The following TRAK1 variants were observed in gnomAD, a reference collection of about 807,000 sequenced individuals.
TRAK1 encodes the protein trafficking kinesin protein 1.
In TRAK1, 33 loss-of-function variants were observed where a neutral mutation model predicts 92.1. The observed-to-expected ratio is 0.36, with a 90% CI of 0.27 to 0.48. TRAK1 has a LOEUF of 0.48. Ranked by LOEUF, TRAK1 falls within the 20% of genes least tolerant of loss-of-function variation. The pLI is 0.99. For missense variants in TRAK1, 1,123 were observed against 1,257.9 expected (o/e 0.89, Z 1.62); for synonymous variants, 521 against 517.3 (o/e 1.01, Z -0.10).
chr3:42,187,436 G>T (rs903555954), intron 4 of TRAK1, among the ~76,000 whole-genome samples: 7 of 152,104 alleles, frequency 4.6e-5, no homozygotes, highest in African/African-American at 1.7e-4. Flanking sequence ...TATTTCCAAA[G>T]CCCCTGAATA....
chr3:42,214,204 A>C (rs563958604), intron 14 of TRAK1, among the ~76,000 whole-genome samples: 1 of 152,250 alleles, frequency 6.6e-6, no homozygotes, highest in South Asian at 2.1e-4. Flanking sequence ...GAGGTGTCTG[A>C]ACCTGACACC....
At chr3:42,016,330 G>A (rs977215897) in intron 1 of TRAK1, among the ~76,000 whole-genome samples, 8 of 151,990 alleles carry the variant, frequency 5.3e-5, no homozygotes, top group Non-Finnish European at 8.8e-5. Flanking sequence ...TCAGCCTCCC[G>A]AGTAGCTGGG....
intron 2 of TRAK1, chr3:42,149,657 G>A (rs947225288): frequency 5.1e-5 from 78 of 1,534,810 alleles, no homozygotes; most frequent in Admixed American, 2.9e-4. Context: ...TCTCCTTCTG[G>A]GTGGGGGGTG....
intron 1 of TRAK1, among the ~76,000 whole-genome samples, chr3:42,027,553 C>G (rs1257327744): frequency 6.6e-6 from 1 of 151,676 alleles, no homozygotes; most frequent in Non-Finnish European, 1.5e-5. Flanking sequence ...TTTTCTAATC[C>G]AGGCGTTTTT....
chr3:42,036,508 C>A (rs1185078419), intron 1 of TRAK1, among the ~76,000 whole-genome samples: 1 of 152,180 alleles, frequency 6.6e-6, no homozygotes, highest in Non-Finnish European at 1.5e-5. Flanking sequence ...CTCATTGGAG[C>A]AGGCTTTCTC....
At chr3:42,153,127 G>A (rs557419064) in intron 2 of TRAK1, among the ~76,000 whole-genome samples, 1 of 152,172 alleles carries the variant, frequency 6.6e-6, no homozygotes, top group African/African-American at 2.4e-5. Flanking sequence ...TGGGGGCCTG[G>A]TATAGTGTGT....
chr3:42,195,648 TTTC>T (rs1391273647), intron 10 of TRAK1, among the ~76,000 whole-genome samples: 2 of 152,120 alleles, frequency 1.3e-5, no homozygotes, highest in Admixed American at 6.5e-5. Context: ...CGTGATTTCT[TTTC>T]TTCTTTGCTC....
chr3:42,080,999 C>T (rs976398688), intron 1 of TRAK1, among the ~76,000 whole-genome samples: 1 of 152,140 alleles, frequency 6.6e-6, no homozygotes, highest in Non-Finnish European at 1.5e-5. Flanking sequence ...CTCAACCTCC[C>T]TAGTAGCAGG....
At chr3:42,028,202 G>A (rs943172442) in intron 1 of TRAK1, among the ~76,000 whole-genome samples, 1 of 152,218 alleles carries the variant, frequency 6.6e-6, no homozygotes, top group Non-Finnish European at 1.5e-5. Flanking sequence ...ACACCAGGCC[G>A]TGGGCCACGT....
chr3:42,019,456 T>C (rs987978069), intron 1 of TRAK1, among the ~76,000 whole-genome samples: 43 of 152,102 alleles, frequency 2.8e-4, no homozygotes, highest in African/African-American at 7.2e-5. Context: ...TTAAATTTTT[T>C]TGTAGAGGTG....
At chr3:42,219,392 T>C in intron 14 of TRAK1, 102 bp from the exon 15 acceptor site, 1 of 1,598,256 alleles carries the variant, frequency 6.3e-7, no homozygotes, top group Admixed American at 1.7e-5. Flanking sequence ...GTTAACAAGG[T>C]AGCTCATCAC....
intron 7 of TRAK1, 58 bp downstream of exon 7, chr3:42,191,694 G>A: frequency 2.0e-6 from 3 of 1,538,186 alleles, no homozygotes; most frequent in Non-Finnish European, 2.6e-6. Context: ...TGATTAGACA[G>A]ATTTGCGTCA....
At chr3:42,217,199 A>G (rs1052465695) in intron 14 of TRAK1, 3 of 977,234 alleles carry the variant, frequency 3.1e-6, no homozygotes, top group Non-Finnish European at 2.4e-6. Context: ...GCCTCTGATG[A>G]TCCCAGTCTT....
At chr3:42,111,302 G>C (rs1708362083) in intron 1 of TRAK1, among the ~76,000 whole-genome samples, 1 of 152,056 alleles carries the variant, frequency 6.6e-6, no homozygotes, top group South Asian at 2.1e-4. Context: ...GTTTAGCTTT[G>C]AAACAAAGAG....
intron 2 of TRAK1, among the ~76,000 whole-genome samples, chr3:42,132,069 A>T (rs1265150301): frequency 3.3e-5 from 5 of 152,054 alleles, no homozygotes; most frequent in Non-Finnish European, 5.9e-5. Context: ...ACTCTGCCTC[A>T]AAAAAAGAAA....
intron 1 of TRAK1, among the ~76,000 whole-genome samples, chr3:42,124,761 G>A (rs1710344410): frequency 6.6e-6 from 1 of 152,218 alleles, no homozygotes; most frequent in Non-Finnish European, 1.5e-5. Context: ...GGGTAAGAGA[G>A]ATTAATTCTG....
chr3:42,134,330 G>A (rs1383250789), intron 2 of TRAK1, among the ~76,000 whole-genome samples: 1 of 151,548 alleles, frequency 6.6e-6, no homozygotes, highest in African/African-American at 2.4e-5. Context: ...AGGCTGGAGT[G>A]CAGTGGTGGC....
At chr3:42,068,853 C>T (rs530845524) in intron 1 of TRAK1, among the ~76,000 whole-genome samples, 7 of 152,240 alleles carry the variant, frequency 4.6e-5, no homozygotes, top group African/African-American at 1.7e-4. Context: ...TAACAGCTTC[C>T]CATTTTATAG....
rs763393882 is a variant in TRAK1 at position 42,223,063 on chromosome 3, T to C, written c.2188T>C (p.Ser730Pro). The change falls in exon 16 of 16, where the codon TCC becomes CCC. Residue 730 changes from serine to proline, a missense_variant. Transcript: ENST00000327628. This position sits in a 1 kb window ranked among gnomAD's most constrained non-coding sequence, Gnocchi z 6.1. ...LAESFTNTRE[S>P]TTTMSTSLGL... ...TGAGTCCTTCACTAACACCCGTGAGTCCACGACCACCATGAGCACATCCCT... is the reference window on the plus strand; with the variant it reads ...TGAGTCCTTCACTAACACCCGTGAGCCCACGACCACCATGAGCACATCCCT... 1 of 1,613,910 alleles carries C rather than the reference T, an allele frequency of 6.2e-7. No individual in the cohort carries two copies. Among genetic ancestry groups the C allele is most frequent in the Non-Finnish European group, 8.5e-7 (1 of 1,179,974 alleles).
Sources: allele counts gnomAD v4.1 joint callset (sites outside exome capture counted in the v4.1 genomes callset), GRCh38; gene constraint gnomAD v4.1.1; non-coding constraint Gnocchi (gnomAD v3.1); transcripts MANE v1.5; gene names NCBI Gene and HGNC (gene_info 2026-07-23, HGNC 2026-07-21).